Variants in TMEM234 observed in about 807,000 individuals in gnomAD.
TMEM234 encodes the protein transmembrane protein 234.
TMEM234 carries 21 observed loss-of-function variants against 17.8 expected under a neutral mutation model. That is an observed-to-expected ratio of 1.18 (90% confidence interval 0.84 to 1.70). The LOEUF (loss-of-function observed/expected upper bound fraction) is 1.70. Ranked by LOEUF, TMEM234 falls within the 40% of genes most tolerant of loss-of-function variation. The pLI is 0.00. For missense variants in TMEM234, 137 were observed against 166.9 expected, an observed-to-expected ratio of 0.82 and a Z score of 0.99; for synonymous variants, 83 against 73.5, an observed-to-expected ratio of 1.13 and a Z score of -0.66.
chr1:32,214,658 G>A (rs572759978), downstream of TMEM234: 5 of 1,248,096 alleles, frequency 4.0e-6, no homozygotes, highest in Non-Finnish European at 5.5e-6. Flanking sequence ...AAGGAGGGAG[G>A]ACGTACTTTG....
chr1:32,215,053 G>GA (rs75232351), downstream of TMEM234: 140,847 of 1,025,750 alleles, frequency 0.14, 1,724 homozygotes, highest in South Asian at 0.23. Context: ...GCCGGCACTG[G>GA]AAAAAAAAAA....
At position 32,216,387 on chromosome 1, in the gene TMEM234, C is replaced by G; in HGVS notation, c.*466G>C. On this transcript the variant is annotated 3_prime_UTR_variant, in exon 5 of 5. Transcript: ENST00000309777. The stretch of plus-strand genomic sequence containing the variant: ...TGCATCTGCCACTCCGACGCACCTT[C>G]TTCCCTCGGTTCCACCCCTCATTCA... 1 of 1,551,324 alleles carries G rather than the reference C, an allele frequency of 6.4e-7. No individual in the cohort carries two copies. Among genetic ancestry groups the G allele is most frequent in the Admixed American group, 2.0e-5 (1 of 50,994 alleles).
downstream of TMEM234, chr1:32,215,381 G>A (rs1053279213): frequency 1.4e-6 from 2 of 1,417,682 alleles, no homozygotes; most frequent in Admixed American, 2.0e-5. Flanking sequence ...AAGGTCCAGG[G>A]CAGGAATGCT....
chr1:32,215,329 G>A, downstream of TMEM234: 1 of 885,850 alleles, frequency 1.1e-6, no homozygotes, highest in Non-Finnish European at 1.7e-6. Context: ...AGGTGGTGGG[G>A]AATGCAGAAC....
At chr1:32,218,843 CAGG>C (rs1238584861) in intron 3 of TMEM234, among the ~76,000 whole-genome samples, 1 of 152,152 alleles carries the variant, frequency 6.6e-6, no homozygotes, top group Non-Finnish European at 1.5e-5. Flanking sequence ...GAGGCCGAGG[CAGG>C]AGAATTGCTT....
chr1:32,220,666 A>C (rs898942521), intron 3 of TMEM234, among the ~76,000 whole-genome samples: 3 of 152,218 alleles, frequency 2.0e-5, no homozygotes, highest in Non-Finnish European at 2.9e-5. Flanking sequence ...GGGCAGTCAC[A>C]AATGTCAAGA....
chr1:32,222,036 A>G lies in TMEM234; in HGVS notation c.17-18T>C, dbSNP rs771161874. 1.0e-5 allele frequency: 16 copies of G among 1,600,886 alleles called. No individual in the cohort carries two copies. Among genetic ancestry groups the G allele is most frequent in the Non-Finnish European group, 1.2e-5 (14 of 1,173,712 alleles). On this transcript the variant is annotated intron_variant, in intron 1 of 4. Coordinates refer to ENST00000309777, the MANE Select transcript of TMEM234 (RefSeq NM_019118.5). The stretch of plus-strand genomic sequence containing the variant: ...CACCTGCCCTGAATGCAGACGAGTG[A>G]GTCACCCTGACCCCCACCCCAAACG...
downstream of TMEM234, chr1:32,214,992 G>T (rs72886375): frequency 1.2e-3 from 1,992 of 1,601,032 alleles, 26 homozygotes; most frequent in African/African-American, 0.023. Flanking sequence ...ACATAGGTTG[G>T]TCCCTGCTGT....
rs965152190 is a variant in TMEM234, at chr1:32,216,447, C to T, written c.*406G>A. The T allele has an allele frequency of 7.1e-6, 11 of 1,551,578 alleles. No individual in the cohort carries two copies. The highest frequency in any genetic ancestry group is 2.4e-5 in the East Asian group (1 of 40,938). The stretch of plus-strand genomic sequence containing the variant: ...CTCTGACTGAGTCCCAGAGGCCTCC[C>T]GTTTGCATTTCTGGCTCAAAGTCTG... On this transcript the variant is annotated 3_prime_UTR_variant, in exon 5 of 5. Coordinates refer to ENST00000309777, the MANE Select transcript of TMEM234 (RefSeq NM_019118.5).
chr1:32,217,446 A>C (rs1310652821), intron 3 of TMEM234, 95 bp from the exon 4 acceptor site: 4 of 1,574,204 alleles, frequency 2.5e-6, no homozygotes, highest in Non-Finnish European at 3.4e-6. Context: ...CCTTTAAAAA[A>C]GGTATCAAAA....
Position 32,216,329 on chromosome 1 carries a change from G to A in TMEM234, c.*524C>T, listed in dbSNP as rs1374810572. The A allele has an allele frequency of 1.4e-5, 21 of 1,531,022 alleles. No homozygotes were observed. The highest frequency in any genetic ancestry group is 1.8e-5 in the Non-Finnish European group (21 of 1,135,370). 94.8% of individuals were successfully genotyped at this position (1,531,022 alleles called of 1,614,324 possible). On this transcript the variant is annotated 3_prime_UTR_variant, in exon 5 of 5. Coordinates refer to ENST00000309777, the MANE Select transcript of TMEM234 (RefSeq NM_019118.5). ...GAGGATTTCTGCCTACCTCATGGGT[G>A]GGGCAGGCAAGGCTAATAGACAGCT... is the stretch of plus-strand genomic sequence containing the variant.
At chr1:32,216,131 G>C, downstream of TMEM234, 2 of 680,300 alleles carry the variant, frequency 2.9e-6, no homozygotes, top group South Asian at 1.9e-5. Context: ...TCTCTGGCCA[G>C]AGAAAGGAGT....
intron 3 of TMEM234, 101 bp downstream of exon 3, chr1:32,221,030 A>G (rs1321824047): frequency 1.1e-6 from 1 of 893,392 alleles, no homozygotes; most frequent in Non-Finnish European, 1.8e-6. Context: ...GCCCTCTCTC[A>G]CTGATGGGAA....
At position 32,216,642 on chromosome 1, in the gene TMEM234, C is replaced by A; in HGVS notation, c.*211G>T. The A allele has an allele frequency of 1.3e-6, 2 of 1,516,748 alleles. No homozygotes were observed. Among genetic ancestry groups the A allele is most frequent in the Non-Finnish European group, 1.8e-6 (2 of 1,126,994 alleles). 94.0% of individuals were successfully genotyped at this position (1,516,748 alleles called of 1,614,324 possible). On this transcript the variant is annotated 3_prime_UTR_variant, in exon 5 of 5. Transcript: ENST00000309777. ...GAGGGTGAGCGTAGAGTCTCCTGTG[C>A]TAAATCCCCGCAGCTGAACAGCACT...
chr1:32,215,284 C>T, downstream of TMEM234: 1 of 660,832 alleles, frequency 1.5e-6, no homozygotes, highest in Non-Finnish European at 2.6e-6. Flanking sequence ...GGGGTGGGAC[C>T]AAAGGCCCAC....
At chr1:32,217,001 G>A (rs770204961) in intron 4 of TMEM234, 54 bp from the exon 5 acceptor site, 18 of 1,612,058 alleles carry the variant, frequency 1.1e-5, no homozygotes, top group South Asian at 1.1e-5. Flanking sequence ...GCCAGTAGGA[G>A]CTGGTACAGG....
downstream of TMEM234, chr1:32,214,610 C>T: frequency 1.3e-6 from 1 of 747,860 alleles, no homozygotes; most frequent in Non-Finnish European, 2.1e-6. Flanking sequence ...ATCTACTGCT[C>T]TGTCCCTGGA....
At position 32,221,231 on chromosome 1, in the gene TMEM234, G is replaced by A. The variant is rs1226725300; in HGVS notation, c.169-34C>T. ...AGGAGAAACCTGCAGTCAGTGTGATGGCCTGACTGAGCAGCACTGCCTTCT... is the reference window on the plus strand; with the variant it reads ...AGGAGAAACCTGCAGTCAGTGTGATAGCCTGACTGAGCAGCACTGCCTTCT... On this transcript the variant is annotated intron_variant, in intron 2 of 4. Coordinates refer to ENST00000309777, the MANE Select transcript of TMEM234 (RefSeq NM_019118.5). 3 of 1,539,016 alleles carry A rather than the reference G, an allele frequency of 1.9e-6. No homozygotes were observed. The East Asian group carries it at 6.7e-5, about 35-fold the overall frequency.
At chr1:32,215,272 TG>T, downstream of TMEM234, 1 of 610,444 alleles carries the variant, frequency 1.6e-6, no homozygotes. Flanking sequence ...ATAGAGGGGA[TG>T]GGGGTGGGAC....
Sources: gnomAD v4.1 joint callset for allele counts (sites outside exome capture counted in the v4.1 genomes callset) on GRCh38, gnomAD v4.1.1 for gene constraint, MANE v1.5 for transcripts, NCBI Gene and HGNC (gene_info 2026-07-23, HGNC 2026-07-21) for gene names.